The following RBFOX1 variants were observed in gnomAD, a reference collection of about 807,000 sequenced individuals.
RBFOX1 encodes the protein RNA binding fox-1 homolog 1, also known as RNA binding protein fox-1 homolog 1.
Under a neutral mutation model 57.7 loss-of-function variants are expected in RBFOX1, and 8 were observed. That is an observed-to-expected ratio of 0.14 (90% confidence interval 0.08 to 0.25). The LOEUF (loss-of-function observed/expected upper bound fraction) is 0.25. Among genes scored for constraint, RBFOX1 ranks in the 10% least tolerant of loss-of-function variants. The probability of loss-of-function intolerance (pLI) is 1.00; values close to 1 mark genes in which losing one functional copy is unlikely to be tolerated. For synonymous variants in RBFOX1, 326 were observed against 222.4 expected (o/e 1.47, Z -4.15); for missense variants, 611 against 548.5 (o/e 1.11, Z -1.14).
intron 2 of RBFOX1, among the ~76,000 whole-genome samples, chr16:5,513,163 C>T (rs964000055): frequency 1.3e-5 from 2 of 152,138 alleles, no homozygotes; most frequent in African/African-American, 4.8e-5. Flanking sequence ...GATCTGGACT[C>T]AGCTTCCCAA....
intron 2 of RBFOX1, among the ~76,000 whole-genome samples, chr16:5,555,903 C>T (rs2008944): frequency 0.3 from 45,248 of 151,852 alleles, 7,453 homozygotes; most frequent in Non-Finnish European, 0.36. Flanking sequence ...TGTCTGTAAT[C>T]CCAGTTACTT....
chr16:7,689,406 A>C lies in RBFOX1; in HGVS notation c.995+12568A>C, dbSNP rs905452418. Among the ~76,000 whole-genome samples, 32 of 152,142 alleles carry C rather than the reference A, an allele frequency of 2.1e-4. 1 individual carries two copies. The highest frequency in any genetic ancestry group is 1.8e-3 in the Admixed American group (27 of 15,268). On this transcript the variant is annotated intron_variant, in intron 14 of 15. Transcript: ENST00000550418. Reference sequence around the variant, plus strand: ...AAGGTTGCCCAAACTTCAAGGTAAGAAGCAGCAGGAGGCGTGATTCCCTCA... The same window carrying C: ...AAGGTTGCCCAAACTTCAAGGTAAGCAGCAGCAGGAGGCGTGATTCCCTCA...
rs1384561276 is a variant in RBFOX1, at chr16:6,855,722, C to G, written c.-15-196335C>G. ...GCGATCGAAACCTTGATTGCACTTC[C>G]TAGATTTATTGGATTCATTTAATTG... On this transcript the variant is annotated intron_variant, in intron 3 of 15. Coordinates refer to ENST00000550418, the MANE Select transcript of RBFOX1 (RefSeq NM_018723.4). Among the ~76,000 whole-genome samples, 3 of 151,824 alleles carry G rather than the reference C, an allele frequency of 2.0e-5. No homozygotes were observed. The South Asian group carries it at 6.2e-4, about 32-fold the overall frequency.
intron 4 of RBFOX1, among the ~76,000 whole-genome samples, chr16:7,319,817 A>G (rs2143007916): frequency 6.6e-6 from 1 of 152,284 alleles, no homozygotes; most frequent in South Asian, 2.1e-4. Flanking sequence ...GTTGCCATGA[A>G]TGATGTAAGG....
chr16:6,682,267 A>G (rs889435391), intron 3 of RBFOX1, among the ~76,000 whole-genome samples: 4 of 152,192 alleles, frequency 2.6e-5, no homozygotes, highest in Non-Finnish European at 4.4e-5. Context: ...TAGGAAGCAC[A>G]CAGCCCTGCC....
At chr16:6,313,958 A>G (rs2080736318) in intron 1 of RBFOX1, among the ~76,000 whole-genome samples, 1 of 152,134 alleles carries the variant, frequency 6.6e-6, no homozygotes, top group South Asian at 2.1e-4. Context: ...CTCTGTTTTT[A>G]TAAAATAATC....
chr16:7,677,683 A>T (rs1346333504), intron 14 of RBFOX1, among the ~76,000 whole-genome samples: 1 of 152,182 alleles, frequency 6.6e-6, no homozygotes, highest in Non-Finnish European at 1.5e-5. Context: ...CATAAATGTG[A>T]ATGTTCAGAT....
chr16:6,083,668 G>T (rs558764203), intron 1 of RBFOX1, among the ~76,000 whole-genome samples: 8 of 152,136 alleles, frequency 5.3e-5, no homozygotes, highest in African/African-American at 1.7e-4. Context: ...GTAGACACGG[G>T]GTCTCACTGT....
intron 4 of RBFOX1, among the ~76,000 whole-genome samples, chr16:7,164,303 T>G (rs1334535729): frequency 2.0e-5 from 3 of 152,216 alleles, no homozygotes; most frequent in Non-Finnish European, 4.4e-5. Flanking sequence ...TTTTGTTCCT[T>G]TTTATGGCTG....
At chr16:7,220,138 C>A (rs1261925792) in intron 4 of RBFOX1, among the ~76,000 whole-genome samples, 1 of 152,160 alleles carries the variant, frequency 6.6e-6, no homozygotes, top group Non-Finnish European at 1.5e-5. Flanking sequence ...TCCTAGCACC[C>A]ATCTCCCCTC....
At chr16:7,457,414 A>G (rs752846084) in intron 4 of RBFOX1, among the ~76,000 whole-genome samples, 11 of 152,208 alleles carry the variant, frequency 7.2e-5, no homozygotes, top group Non-Finnish European at 1.3e-4. Context: ...TTTTTATGGC[A>G]TTAGTGTTGC....
At position 7,002,769 on chromosome 16, in the gene RBFOX1, A is replaced by C. The variant is rs74010443; in HGVS notation, c.-15-49288A>C. On this transcript the variant is annotated intron_variant, in intron 3 of 15. Transcript: ENST00000550418. ...AATAGCACTAAGTGGCTTAAAATAC[A>C]CTTCCTGAATGTCGGCTTTGTTTGA... 5.9e-3 allele frequency among the ~76,000 whole-genome samples: 903 copies of C among 152,252 alleles called. 9 individuals are homozygous for C. The highest frequency in any genetic ancestry group is 0.021 in the African/African-American group (864 of 41,560).
intron 3 of RBFOX1, among the ~76,000 whole-genome samples, chr16:5,766,764 A>G (rs1413746577): frequency 6.6e-6 from 1 of 152,066 alleles, no homozygotes; most frequent in Non-Finnish European, 1.5e-5. Flanking sequence ...CAAACATCCA[A>G]ACTGTATCAG....
At chr16:5,630,594 A>G (rs1035113494) in intron 3 of RBFOX1, among the ~76,000 whole-genome samples, 7 of 152,178 alleles carry the variant, frequency 4.6e-5, no homozygotes, top group Admixed American at 3.9e-4. Flanking sequence ...GGTGGCTTTC[A>G]TGATACTCTT....
At chr16:6,049,426 A>G (rs2095529559) in intron 1 of RBFOX1, among the ~76,000 whole-genome samples, 1 of 152,222 alleles carries the variant, frequency 6.6e-6, no homozygotes, top group African/African-American at 2.4e-5. Flanking sequence ...TTAAATAATT[A>G]TCAAGGTATT....
chr16:6,832,525 A>G (rs930689820), intron 3 of RBFOX1, among the ~76,000 whole-genome samples: 1 of 152,208 alleles, frequency 6.6e-6, no homozygotes, highest in Non-Finnish European at 1.5e-5. Context: ...GCCTAATTGT[A>G]TGCCTCTTGC....
At chr16:6,734,740 C>A (rs865830456) in intron 3 of RBFOX1, among the ~76,000 whole-genome samples, 1 of 152,164 alleles carries the variant, frequency 6.6e-6, no homozygotes, top group African/African-American at 2.4e-5. Context: ...CCTTTCTTTT[C>A]CTCCTTTTAC....
Position 7,101,403 on chromosome 16 carries a change from C to T in RBFOX1, c.27+49305C>T, listed in dbSNP as rs528753835. On this transcript the variant is annotated intron_variant, in intron 4 of 15. Transcript: ENST00000550418. ...TAATTGCAAGGAAACTCTTGGATTT[C>T]GTTCCAGAGTCTTGGTAATAGTGGT... Among the ~76,000 whole-genome samples the T allele has an allele frequency of 9.9e-5, 15 of 152,234 alleles. No homozygotes were observed. In the South Asian group the frequency reaches 1.2e-3, roughly 13 times the overall value.
chr16:5,937,292 C>G (rs1033228619), intron 4 of RBFOX1, among the ~76,000 whole-genome samples: 5 of 152,242 alleles, frequency 3.3e-5, no homozygotes, highest in African/African-American at 9.6e-5. Context: ...ACAAACTTGG[C>G]AAACACTGGA....
Sources: allele counts gnomAD v4.1 joint callset (sites outside exome capture counted in the v4.1 genomes callset), GRCh38; gene constraint gnomAD v4.1.1; transcripts MANE v1.5; gene names NCBI Gene and HGNC (gene_info 2026-07-23, HGNC 2026-07-21).